ZNF362: variants seen among roughly 807,000 people sequenced by gnomAD.
ZNF362 encodes the protein rotund homolog.
In ZNF362, 11 loss-of-function variants were observed where a neutral mutation model predicts 42.9. The ratio of observed to expected loss-of-function variants is 0.26; its 90% CI spans 0.16 to 0.42. The LOEUF (loss-of-function observed/expected upper bound fraction) is 0.42, where lower values mean the gene tolerates loss of function less well. Among genes scored for constraint, ZNF362 ranks in the 20% least tolerant of loss-of-function variants. The probability of loss-of-function intolerance (pLI) is 1.00; values close to 1 mark genes in which losing one functional copy is unlikely to be tolerated. For missense variants in ZNF362, 362 were observed against 576.2 expected (o/e 0.63, Z 3.81); for synonymous variants, 255 against 257.3 (o/e 0.99, Z 0.09).
At chr1:33,180,809 G>T in the ZNF362 span, among the ~76,000 whole-genome samples, 1 of 152,132 alleles carries the variant, frequency 6.6e-6, no homozygotes, top group Admixed American at 6.5e-5. Context: ...TCAGGGTCCG[G>T]ACTGCCCAAG....
chr1:33,242,955 A>C, the ZNF362 span, among the ~76,000 whole-genome samples: 1 of 152,108 alleles, frequency 6.6e-6, no homozygotes, highest in East Asian at 1.9e-4. Flanking sequence ...AGGAACCTGG[A>C]TTGTGTCTGA....
At chr1:33,171,745 C>T in the ZNF362 span, among the ~76,000 whole-genome samples, 1 of 152,166 alleles carries the variant, frequency 6.6e-6, no homozygotes, top group Admixed American at 6.5e-5. Context: ...ACCCTCCCTC[C>T]ACCTTGGTTT....
the ZNF362 span, among the ~76,000 whole-genome samples, chr1:33,170,759 G>T: frequency 6.6e-6 from 1 of 152,156 alleles, no homozygotes; most frequent in African/African-American, 2.4e-5. Flanking sequence ...TAGAAGACTG[G>T]CTCTACCACC....
At chr1:33,181,097 G>A in the ZNF362 span, 7 of 1,599,674 alleles carry the variant, frequency 4.4e-6, no homozygotes, top group Non-Finnish European at 5.9e-6. The surrounding 1 kb of genome is among the most constrained non-coding windows in gnomAD (Gnocchi z 6.5). Context: ...CGTCGCAGAA[G>A]AAGCAGAGAA....
At chr1:33,169,214 A>C in the ZNF362 span, among the ~76,000 whole-genome samples, 2 of 152,054 alleles carry the variant, frequency 1.3e-5, no homozygotes, top group Non-Finnish European at 2.9e-5. Flanking sequence ...TCGTGTTAGG[A>C]GATCCCAAAC....
the ZNF362 span, among the ~76,000 whole-genome samples, chr1:33,202,515 G>C: frequency 2.6e-5 from 4 of 151,120 alleles, no homozygotes; most frequent in Non-Finnish European, 5.9e-5. Context: ...GGAGAATGAC[G>C]TGAACCCGGG....
At chr1:33,257,003 G>A (rs1645797573) in intron 1 of ZNF362, among the ~76,000 whole-genome samples, 1 of 152,142 alleles carries the variant, frequency 6.6e-6, no homozygotes, top group Non-Finnish European at 1.5e-5. Flanking sequence ...AATGATTCAT[G>A]GGGCATAATG....
intron 8 of ZNF362, among the ~76,000 whole-genome samples, chr1:33,295,934 G>A (rs1646120505): frequency 6.6e-6 from 1 of 152,170 alleles, no homozygotes. Flanking sequence ...GAACTCACAG[G>A]GCTGTTGGCT....
the ZNF362 span, among the ~76,000 whole-genome samples, chr1:33,152,874 GAAGGCAGGAGC>G: frequency 6.6e-6 from 1 of 152,312 alleles, no homozygotes; most frequent in African/African-American, 2.4e-5. Context: ...AGGATGGGGA[GAAGGCAGGAGC>G]AAGGCAGGCT....
the ZNF362 span, among the ~76,000 whole-genome samples, chr1:33,151,775 A>G: frequency 6.6e-6 from 1 of 152,206 alleles, no homozygotes; most frequent in Non-Finnish European, 1.5e-5. Flanking sequence ...TTCAGGAAGG[A>G]TCATGGACTG....
Position 33,280,326 on chromosome 1 carries a change from G to C in ZNF362, c.552G>C (p.Leu184=). Residue 184 remains leucine (L), a synonymous_variant, in exon 5 of 9, where the codon CTG becomes CTC. Transcript: ENST00000539719. The surrounding 1 kb of genome is among the most constrained non-coding windows in gnomAD (Gnocchi z 5.6). The part of the protein sequence containing the change: ...DSIKTIQGHG[L]LGPPKSERGR... ...TCAAGACAATCCAGGGCCACGGCCT[G>C]CTTGGCCCCCCCAAGTCCGAACGCG... 6.2e-7 allele frequency: 1 copy of C among 1,614,052 alleles called. No individual in the cohort carries two copies. Among genetic ancestry groups the C allele is most frequent in the South Asian group, 1.1e-5 (1 of 91,086 alleles).
the ZNF362 span, among the ~76,000 whole-genome samples, chr1:33,249,970 C>T: frequency 3.3e-5 from 5 of 152,210 alleles, no homozygotes; most frequent in Admixed American, 1.3e-4. Context: ...CTCTGGGACT[C>T]TTAAACCTAA....
the ZNF362 span, among the ~76,000 whole-genome samples, chr1:33,218,928 G>GAC: frequency 2.9e-5 from 2 of 69,526 alleles, no homozygotes; most frequent in African/African-American, 1.1e-4. Context: ...CCAGGAGCTG[G>GAC]ACATACACAC....
the ZNF362 span, among the ~76,000 whole-genome samples, chr1:33,131,601 A>T: frequency 6.6e-6 from 1 of 152,194 alleles, no homozygotes; most frequent in African/African-American, 2.4e-5. Context: ...ATCATTGGAT[A>T]ACATTTTGTA....
chr1:33,259,931 G>A (rs1645818312), intron 1 of ZNF362, among the ~76,000 whole-genome samples: 1 of 152,164 alleles, frequency 6.6e-6, no homozygotes, highest in African/African-American at 2.4e-5. Context: ...TTCCCTTTCT[G>A]AGCCTCAGTT....
upstream of ZNF362, among the ~76,000 whole-genome samples, chr1:33,256,186 G>GCGGCGA (rs1645788010): frequency 6.9e-6 from 1 of 145,620 alleles, no homozygotes; most frequent in Non-Finnish European, 1.5e-5. Flanking sequence ...GGCGGCGGCG[G>GCGGCGA]CGGCGGCGAC....
the ZNF362 span, among the ~76,000 whole-genome samples, chr1:33,239,506 G>T: frequency 6.6e-6 from 1 of 152,220 alleles, no homozygotes; most frequent in Non-Finnish European, 1.5e-5. Flanking sequence ...ATAAAAGACA[G>T]AAGTTTAATT....
the ZNF362 span, among the ~76,000 whole-genome samples, chr1:33,206,187 C>A: frequency 1.3e-5 from 2 of 152,044 alleles, no homozygotes; most frequent in Non-Finnish European, 2.9e-5. Context: ...CATCATTAAT[C>A]ATTAAGGAGA....
At position 33,276,613 on chromosome 1, in the gene ZNF362, G is replaced by A. The variant is rs1300259777; in HGVS notation, c.349+19G>A. ...GTCACAGGTAGGCCGAGCGGGCGGGGCCGGCGGGGCCGGTGAGGACTGGGC... is the reference window on the plus strand; with the variant it reads ...GTCACAGGTAGGCCGAGCGGGCGGGACCGGCGGGGCCGGTGAGGACTGGGC... On this transcript the variant is annotated intron_variant, in intron 4 of 8. Coordinates refer to ENST00000539719, the MANE Select transcript of ZNF362 (RefSeq NM_152493.3). 7.6e-7 allele frequency: 1 copy of A among 1,318,194 alleles called. No individual in the cohort carries two copies. The highest frequency in any genetic ancestry group is 1.9e-5 in the South Asian group (1 of 51,858). 81.7% of individuals were successfully genotyped at this position (1,318,194 alleles called of 1,614,324 possible).
Sources: gnomAD v4.1 joint callset for allele counts (sites outside exome capture counted in the v4.1 genomes callset) on GRCh38, gnomAD v4.1.1 for gene constraint, Gnocchi (gnomAD v3.1) non-coding constraint, MANE v1.5 for transcripts, NCBI Gene and HGNC (gene_info 2026-07-23, HGNC 2026-07-21) for gene names.